Variants in PSAT1 observed in about 807,000 individuals in gnomAD.
PSAT1 encodes phosphoserine aminotransferase 1.
PSAT1 carries 41 observed loss-of-function variants against 40.3 expected under a neutral mutation model. The observed-to-expected ratio is 1.02, with a 90% CI of 0.79 to 1.32. The LOEUF is 1.32. PSAT1 is among the 40% of genes most tolerant of loss of function. PSAT1 has a pLI of 0.00. For synonymous variants in PSAT1, 147 were observed against 170.5 expected (o/e 0.86, Z 1.07); for missense variants, 406 against 455.8 (o/e 0.89, Z 0.99).
chr9:78,323,118 T>A (rs1264128449), intron 7 of PSAT1, among the ~76,000 whole-genome samples: 1 of 150,958 alleles, frequency 6.6e-6, no homozygotes, highest in South Asian at 2.1e-4. Flanking sequence ...TCAGTAGGGG[T>A]CTGATGAAAA....
intron 7 of PSAT1, among the ~76,000 whole-genome samples, chr9:78,320,482 CCTATCTACCCAT>C (rs1413215071): frequency 6.6e-6 from 1 of 150,910 alleles, no homozygotes; most frequent in Admixed American, 6.6e-5. Flanking sequence ...CACCCTTCCA[CCTATCTACCCAT>C]CTATCTATCC....
At chr9:78,304,644 C>G (rs1413850265) in intron 3 of PSAT1, 91 bp from the exon 4 acceptor site, 32 of 1,227,168 alleles carry the variant, frequency 2.6e-5, no homozygotes, top group Middle Eastern at 1.9e-4. Context: ...AGTAAATCCA[C>G]CCAAGTTAAA....
rs781513295 is a variant in PSAT1 at position 78,328,994 on chromosome 9, A to G, written c.1021A>G (p.Ile341Val). Residue 341 changes from isoleucine (I) to valine (V), a missense_variant, in exon 9 of 9, where the codon ATC (isoleucine) becomes GTC (valine). Transcript: ENST00000376588. ...TGGTCATTCTAGGTCTGTGGGAGGC[A>G]TCCGGGCCTCTCTGTATAATGCTGT... ...SLKGHRSVGG[I>V]RASLYNAVTI... 9.3e-6 allele frequency: 15 copies of G among 1,613,688 alleles called. No homozygotes were observed. The South Asian group carries it at 1.4e-4, about 15-fold the overall frequency.
Position 78,323,541 on chromosome 9 carries a change from C to G in PSAT1, c.870-4510C>G, listed in dbSNP as rs182215007. Among the ~76,000 whole-genome samples, 13 of 152,226 alleles carry G rather than the reference C, an allele frequency of 8.5e-5. No individual in the cohort carries two copies. The East Asian group carries it at 2.1e-3, about 25-fold the overall frequency. On this transcript the variant is annotated intron_variant, in intron 7 of 8. Transcript: ENST00000376588. Reference sequence around the variant, plus strand: ...GCTGCAGTAAGCTGAGATTGGACCACTGCACTCCAGCCTGGGTGACAGAGT... The same window carrying G: ...GCTGCAGTAAGCTGAGATTGGACCAGTGCACTCCAGCCTGGGTGACAGAGT...
intron 3 of PSAT1, among the ~76,000 whole-genome samples, chr9:78,302,733 CAAAAAA>C (rs373285782): frequency 1.0e-3 from 105 of 104,216 alleles, no homozygotes; most frequent in African/African-American, 3.9e-3. Context: ...GACTCCGTCT[CAAAAAA>C]AAAAAAAAAA....
At chr9:78,321,066 C>T (rs1828422818) in intron 7 of PSAT1, among the ~76,000 whole-genome samples, 1 of 152,176 alleles carries the variant, frequency 6.6e-6, no homozygotes, top group South Asian at 2.1e-4. Context: ...GGGCCTCTCC[C>T]AGAAGGCAGC....
chr9:78,306,555 C>T, intron 5 of PSAT1, 69 bp downstream of exon 5: 1 of 1,586,968 alleles, frequency 6.3e-7, no homozygotes, highest in Non-Finnish European at 8.7e-7. Flanking sequence ...TTAATATATA[C>T]AAGAGCGGGA....
intron 7 of PSAT1, 114 bp downstream of exon 7, chr9:78,317,918 TGG>T: frequency 7.8e-7 from 1 of 1,287,802 alleles, no homozygotes; most frequent in East Asian, 2.4e-5. Flanking sequence ...ATTAAAATAC[TGG>T]TGAGTGTGTG....
At chr9:78,314,687 A>G (rs1007774133) in intron 6 of PSAT1, among the ~76,000 whole-genome samples, 1 of 152,148 alleles carries the variant, frequency 6.6e-6, no homozygotes, top group Non-Finnish European at 1.5e-5. Context: ...TTGCCTCCTC[A>G]GATCCCATTA....
chr9:78,302,688 C>T (rs184957873), intron 3 of PSAT1, among the ~76,000 whole-genome samples: 1 of 144,876 alleles, frequency 6.9e-6, no homozygotes, highest in African/African-American at 2.6e-5. Flanking sequence ...GAGCCGAGAC[C>T]GTGCCACTGC....
Position 78,297,234 on chromosome 9 carries a change from C to T in PSAT1, c.24C>T (p.Val8=), listed in dbSNP as rs2118610420. The change falls in exon 1 of 9, where the codon GTC becomes GTT. Residue 8 remains valine, a synonymous_variant. Coordinates refer to ENST00000376588, the MANE Select transcript of PSAT1 (RefSeq NM_058179.4). ...CCATGGACGCCCCCAGGCAGGTGGT[C>T]AACTTTGGGCCTGGTCCCGCCAAGC... MDAPRQV[V]NFGPGPAKLP... is the part of the protein sequence containing the mutation. The T allele has an allele frequency of 6.2e-7, 1 of 1,602,452 alleles. No homozygotes were observed. The highest frequency in any genetic ancestry group is 2.2e-5 in the East Asian group (1 of 44,698).
At chr9:78,328,294 T>C (rs1476934437) in intron 8 of PSAT1, 106 bp downstream of exon 8, 7 of 1,425,038 alleles carry the variant, frequency 4.9e-6, no homozygotes, top group East Asian at 2.3e-5. Flanking sequence ...GTAGCAGTTA[T>C]GTAATTTGTT....
chr9:78,298,482 C>G, intron 1 of PSAT1: 11 of 959,408 alleles, frequency 1.1e-5, no homozygotes, highest in Non-Finnish European at 1.4e-5. Context: ...GAGGACAGGG[C>G]TTATTTTTTC....
rs1285036496 is a variant in PSAT1, at chr9:78,330,038, A to G, written c.*952A>G. On this transcript the variant is annotated 3_prime_UTR_variant, in exon 9 of 9. Transcript: ENST00000376588. ...AAAGTCTTTCCCCTATTGTTTATCT[A>G]TTGTCAGTATTTTATGTTGAATATG... is the stretch of plus-strand genomic sequence containing the variant. 1 of 152,108 alleles carries G rather than the reference A, an allele frequency of 6.6e-6. No individual in the cohort carries two copies. Among genetic ancestry groups the G allele is most frequent in the Admixed American group, 6.5e-5 (1 of 15,268 alleles). 9.4% of individuals were successfully genotyped at this position (152,108 alleles called of 1,614,324 possible).
intron 7 of PSAT1, among the ~76,000 whole-genome samples, chr9:78,327,743 T>C (rs1427998098): frequency 6.6e-6 from 1 of 152,206 alleles, no homozygotes; most frequent in Non-Finnish European, 1.5e-5. Flanking sequence ...ATATATGTAG[T>C]ACCACTAAAC....
chr9:78,326,107 C>T (rs922773393), intron 7 of PSAT1, among the ~76,000 whole-genome samples: 1 of 152,078 alleles, frequency 6.6e-6, no homozygotes, highest in Non-Finnish European at 1.5e-5. Context: ...AAGTCTTTTC[C>T]CCATATTTGT....
intron 6 of PSAT1, among the ~76,000 whole-genome samples, chr9:78,311,199 C>T (rs892542515): frequency 3.9e-5 from 6 of 152,082 alleles, no homozygotes; most frequent in East Asian, 3.9e-4. Flanking sequence ...GCAGGCTGAG[C>T]GGTGAGGGTG....
chr9:78,306,176 T>C (rs1828179282), intron 4 of PSAT1, 138 bp from the exon 5 acceptor site: 5 of 927,248 alleles, frequency 5.4e-6, no homozygotes, highest in East Asian at 2.4e-5. Context: ...GGGAGGTTGC[T>C]TTCACTCGTG....
In PSAT1 at chr9:78,329,437, C is replaced by T. The variant is rs990261195; in HGVS notation, c.*351C>T. ...TTAATTATTTCTGGAGTCATGGGAA[C>T]ACACAGCACAGAGGGTAGGGGGGCC... On this transcript the variant is annotated 3_prime_UTR_variant, in exon 9 of 9. Coordinates refer to ENST00000376588, the MANE Select transcript of PSAT1 (RefSeq NM_058179.4). 4.9e-5 allele frequency: 17 copies of T among 349,906 alleles called. No individual in the cohort carries two copies. The highest frequency in any genetic ancestry group is 6.6e-5 in the Non-Finnish European group (12 of 181,294). The allele number at this position is 349,906 out of a possible 1,614,324, so 21.7% of individuals were successfully genotyped here.
Sources: allele counts gnomAD v4.1 joint callset (sites outside exome capture counted in the v4.1 genomes callset), GRCh38; gene constraint gnomAD v4.1.1; transcripts MANE v1.5; gene names NCBI Gene and HGNC (gene_info 2026-07-23, HGNC 2026-07-21).